The following NCOR1 variants were observed in gnomAD, a reference collection of about 807,000 sequenced individuals.
The protein encoded by NCOR1 is protein phosphatase 1, regulatory subunit 109.
Under a neutral mutation model 288.1 loss-of-function variants are expected in NCOR1, and 63 were observed. The ratio of observed to expected loss-of-function variants is 0.22; its 90% CI spans 0.18 to 0.27. The LOEUF (loss-of-function observed/expected upper bound fraction) is 0.27. Ranked by LOEUF, NCOR1 falls within the 10% of genes least tolerant of loss-of-function variation. The probability of loss-of-function intolerance (pLI) is 1.00; values close to 1 mark genes in which losing one functional copy is unlikely to be tolerated. For synonymous variants in NCOR1, 1,007 were observed against 1,065.9 expected (o/e 0.94, Z 1.08); for missense variants, 2,397 against 3,019.2 (o/e 0.79, Z 4.83).
chr17:16,214,396 G>A (rs1467988687), intron 1 of NCOR1, among the ~76,000 whole-genome samples: 2 of 152,150 alleles, frequency 1.3e-5, no homozygotes, highest in Non-Finnish European at 2.9e-5. Context: ...TCCTTGCACA[G>A]TGCCATGTTC....
At position 16,139,065 on chromosome 17, in the gene NCOR1, T is replaced by C; in HGVS notation, c.1295A>G (p.Lys432Arg). 1 of 1,610,334 alleles carries C rather than the reference T, an allele frequency of 6.2e-7. No homozygotes were observed. Among genetic ancestry groups the C allele is most frequent in the Non-Finnish European group, 8.5e-7 (1 of 1,177,910 alleles). Residue 432 changes from lysine to arginine, a missense_variant, in exon 12 of 46, where the codon AAA (lysine) becomes AGA (arginine). Around this residue, in one of 11 missense-constraint regions of NCOR1, gnomAD observed 80 missense variants for 100.3 expected, o/e 0.80. Transcript: ENST00000268712. ...CCAAACATTCATAAACTGCCTATCT[T>C]TATACACTTTCATAGGGTCCTCCAT... Reference protein sequence around the residue: ...GLMEDPMKVYKDRQFMNVWTD... With the variant: ...GLMEDPMKVYRDRQFMNVWTD...
In NCOR1 at chr17:16,199,210, A is replaced by ACACACACACACACAC. The variant is rs1555813660; in HGVS notation, c.-70-4572_-70-4571insGTGTGTGTGTGTGTG. On this transcript the variant is annotated intron_variant, in intron 1 of 45. Transcript: ENST00000268712. ...TATCCGCCCAATACAGAAGGAAAAAAAAAAAAACACACACACACACACACA... is the reference window on the plus strand; with the variant it reads ...TATCCGCCCAATACAGAAGGAAAAAACACACACACACACACAAAAAAACACACACACACACACACA... Among the ~76,000 whole-genome samples, 212 of 109,210 alleles carry ACACACACACACACAC rather than the reference A, an allele frequency of 1.9e-3. 3 individuals are homozygous for ACACACACACACACAC. Among genetic ancestry groups the ACACACACACACACAC allele is most frequent in the African/African-American group, 7.3e-3 (203 of 27,792 alleles). The allele number at this position is 109,210 out of a possible 152,430, so 71.6% of individuals were successfully genotyped here.
chr17:16,114,155 A>AC lies in NCOR1; in HGVS notation c.2055+3732_2055+3733insG, dbSNP rs1568108035. ...TGATGGCGGCAGGCAAAAAAAAAAA[A>AC]AAAAAAAAAAAAAACTTGTGCAGGG... On this transcript the variant is annotated intron_variant, in intron 18 of 45. Transcript: ENST00000268712. 5.0e-4 allele frequency among the ~76,000 whole-genome samples: 75 copies of AC among 149,298 alleles called. 5 individuals are homozygous for AC. The highest frequency in any genetic ancestry group is 1.4e-3 in the African/African-American group (57 of 40,800).
At position 16,072,169 on chromosome 17, in the gene NCOR1, C is replaced by T. The variant is rs1178110174; in HGVS notation, c.3871G>A (p.Val1291Ile). The stretch of plus-strand genomic sequence containing the variant: ...CCCTGCATTATGGAGCCAGACAATA[C>T]AGTCCTTTCTTTGAGGTCAGAATGA... ...SPHSDLKERT[V>I]LSGSIMQGTP... Residue 1291 changes from valine to isoleucine, a missense_variant, in exon 29 of 46, where the codon GTA becomes ATA. Val to Ile is a conservative substitution (Grantham distance 29, BLOSUM62 3). Transcript: ENST00000268712. 1.2e-6 allele frequency: 2 copies of T among 1,612,430 alleles called. No homozygotes were observed. Among genetic ancestry groups the T allele is most frequent in the Non-Finnish European group, 1.7e-6 (2 of 1,179,200 alleles).
At chr17:16,038,933 G>T (rs1195460817) in intron 44 of NCOR1, among the ~76,000 whole-genome samples, 1 of 152,140 alleles carries the variant, frequency 6.6e-6, no homozygotes, top group African/African-American at 2.4e-5. Context: ...ATCATGCCCA[G>T]CTAATTTTTG....
chr17:16,046,923 T>A (rs756764037), intron 42 of NCOR1, 28 bp downstream of exon 42: 7 of 1,610,630 alleles, frequency 4.3e-6, no homozygotes, highest in Non-Finnish European at 5.1e-6. Context: ...ATGTTTTATT[T>A]GGGGTTCATG....
In NCOR1 at chr17:16,186,689, TA is replaced by T; in HGVS notation, c.109-3del. ...ACGATAATCAGGGACTGCGAACTCC[TA>T]GTATTAAAATAATCATAAATCAATT... On this transcript the variant is annotated splice_polypyrimidine_tract_variant and splice_region_variant and intron_variant, in intron 2 of 45. Coordinates refer to ENST00000268712, the MANE Select transcript of NCOR1 (RefSeq NM_006311.4). 6.2e-7 allele frequency: 1 copy of T among 1,611,022 alleles called. No individual in the cohort carries two copies. Among genetic ancestry groups the T allele is most frequent in the Non-Finnish European group, 8.5e-7 (1 of 1,178,556 alleles).
intron 3 of NCOR1, among the ~76,000 whole-genome samples, chr17:16,178,829 G>T (rs1176268143): frequency 6.6e-6 from 1 of 152,136 alleles, no homozygotes; most frequent in Non-Finnish European, 1.5e-5. Flanking sequence ...TTTAGGCTGG[G>T]AGTGGTGGCT....
At chr17:16,085,035 T>C (rs1197106729) in intron 23 of NCOR1, among the ~76,000 whole-genome samples, 1 of 152,176 alleles carries the variant, frequency 6.6e-6, no homozygotes, top group Non-Finnish European at 1.5e-5. Flanking sequence ...AAAATATTTG[T>C]AATACATATA....
chr17:16,057,112 G>A, intron 40 of NCOR1: 1 of 181,606 alleles, frequency 5.5e-6, no homozygotes, highest in East Asian at 1.5e-4. Flanking sequence ...AGCATTACAG[G>A]TATAAGCCAC....
intron 20 of NCOR1, 64 bp downstream of exon 20, chr17:16,101,186 A>T (rs775631743): frequency 3.4e-5 from 51 of 1,492,066 alleles, no homozygotes; most frequent in Non-Finnish European, 4.3e-5. Flanking sequence ...AGCCAGCACC[A>T]CCCTGTGATT....
At chr17:16,052,170 G>T (rs935380569) in intron 40 of NCOR1, among the ~76,000 whole-genome samples, 1 of 151,290 alleles carries the variant, frequency 6.6e-6, no homozygotes, top group Non-Finnish European at 1.5e-5. Context: ...CGGCCACCAC[G>T]CCTGGCTAAT....
At chr17:16,046,772 C>A in intron 42 of NCOR1, 179 bp downstream of exon 42, 1 of 621,160 alleles carries the variant, frequency 1.6e-6, no homozygotes. Flanking sequence ...GAACTCCTGC[C>A]TCCTAATTAG....
intron 42 of NCOR1, among the ~76,000 whole-genome samples, chr17:16,041,424 C>CTTTTTTTTG (rs2057575771): frequency 2.2e-5 from 1 of 46,242 alleles, no homozygotes; most frequent in African/African-American, 9.3e-5. Flanking sequence ...TTTTTTTTTC[C>CTTTTTTTTG]TTTGAGATGG....
chr17:16,041,263 T>C (rs947271258), intron 42 of NCOR1: 2 of 152,156 alleles, frequency 1.3e-5, no homozygotes, highest in Admixed American at 1.3e-4. Context: ...AATAAAGCAG[T>C]GTGCCAGAAA....
At chr17:16,111,044 T>G (rs1039620083) in intron 18 of NCOR1, among the ~76,000 whole-genome samples, 2 of 152,210 alleles carry the variant, frequency 1.3e-5, no homozygotes, top group African/African-American at 4.8e-5. Flanking sequence ...CCTCAAGCAA[T>G]CCAGGTGTGA....
intron 4 of NCOR1, among the ~76,000 whole-genome samples, chr17:16,168,969 A>T: frequency 6.6e-6 from 1 of 152,100 alleles, no homozygotes; most frequent in East Asian, 1.9e-4. Flanking sequence ...GTCTCAAAAA[A>T]AAAAAAAAAC....
At chr17:16,050,850 T>C (rs2059228657) in intron 40 of NCOR1, among the ~76,000 whole-genome samples, 1 of 152,030 alleles carries the variant, frequency 6.6e-6, no homozygotes, top group South Asian at 2.1e-4. Flanking sequence ...ATTTTTATTT[T>C]TGAGACAGGG....
At chr17:16,110,435 G>A (rs1378574644) in intron 18 of NCOR1, among the ~76,000 whole-genome samples, 42 of 152,048 alleles carry the variant, frequency 2.8e-4, no homozygotes, top group Admixed American at 2.6e-3. Context: ...TGCAAAGTAT[G>A]TTTATGCAAA....
Sources: gnomAD v4.1 joint callset for allele counts (sites outside exome capture counted in the v4.1 genomes callset) on GRCh38, gnomAD v4.1.1 for gene constraint, gnomAD v4.1.1 regional missense constraint, MANE v1.5 for transcripts, NCBI Gene and HGNC (gene_info 2026-07-23, HGNC 2026-07-21) for gene names.